The following PRDM16 variants were observed in gnomAD, a reference collection of about 807,000 sequenced individuals.
PRDM16 encodes the protein histone-lysine N-methyltransferase PRDM16.
In PRDM16, 23 loss-of-function variants were observed where a neutral mutation model predicts 110.6. The ratio of observed to expected loss-of-function variants is 0.21; its 90% CI spans 0.15 to 0.29. The LOEUF is 0.29. PRDM16 is among the 10% of genes least tolerant of loss of function. The probability of loss-of-function intolerance (pLI) is 1.00; values close to 1 mark genes in which losing one functional copy is unlikely to be tolerated. For synonymous variants in PRDM16, 799 were observed against 781.8 expected (o/e 1.02, Z -0.37); for missense variants, 1,615 against 1,794.3 (o/e 0.90, Z 1.81).
chr1:3,355,606 G>A (rs890707792), intron 3 of PRDM16, among the ~76,000 whole-genome samples: 1 of 152,150 alleles, frequency 6.6e-6, no homozygotes, highest in Admixed American at 6.5e-5. Context: ...GCATCCGCTC[G>A]ACGGTGGGTG....
intron 3 of PRDM16, among the ~76,000 whole-genome samples, chr1:3,310,585 A>G (rs1178397659): frequency 2.0e-5 from 3 of 152,064 alleles, no homozygotes; most frequent in Non-Finnish European, 4.4e-5. Flanking sequence ...TGTTTGACCG[A>G]GCCGGGTTAC....
At chr1:3,164,631 G>A (rs1643929936) in intron 1 of PRDM16, among the ~76,000 whole-genome samples, 2 of 152,230 alleles carry the variant, frequency 1.3e-5, no homozygotes, top group Admixed American at 6.5e-5. Flanking sequence ...TCGGAGGTGT[G>A]AGGGATTGCT....
chr1:3,221,401 T>G (rs1639147801), intron 2 of PRDM16, among the ~76,000 whole-genome samples: 1 of 152,236 alleles, frequency 6.6e-6, no homozygotes, highest in Admixed American at 6.5e-5. Context: ...TTCCAGAAGA[T>G]GCAAAAGCTG....
At chr1:3,409,752 TG>T (rs2100657295) in intron 8 of PRDM16, among the ~76,000 whole-genome samples, 1 of 135,432 alleles carries the variant, frequency 7.4e-6, no homozygotes, top group East Asian at 2.2e-4. Context: ...GTGTGTGGTG[TG>T]GGTGTGAGTG....
intron 3 of PRDM16, among the ~76,000 whole-genome samples, chr1:3,261,728 G>A (rs1186681580): frequency 6.6e-6 from 1 of 152,120 alleles, no homozygotes; most frequent in Non-Finnish European, 1.5e-5. Context: ...CTCCTCCTGT[G>A]TCAGGGCAGC....
At chr1:3,230,679 G>A (rs954034913) in intron 2 of PRDM16, among the ~76,000 whole-genome samples, 7 of 152,228 alleles carry the variant, frequency 4.6e-5, no homozygotes, top group Non-Finnish European at 7.3e-5. Context: ...ACGCGGCCCC[G>A]GTTGGGGTGA....
At chr1:3,264,601 G>A (rs1375207830) in intron 3 of PRDM16, among the ~76,000 whole-genome samples, 1 of 147,802 alleles carries the variant, frequency 6.8e-6, no homozygotes, top group Non-Finnish European at 1.5e-5. Flanking sequence ...AGCGGAAAGG[G>A]GAGGGGTGTA....
At chr1:3,283,427 C>A (rs1338755922) in intron 3 of PRDM16, among the ~76,000 whole-genome samples, 2 of 152,140 alleles carry the variant, frequency 1.3e-5, no homozygotes, top group Admixed American at 1.3e-4. Context: ...GAGGTGGGCT[C>A]CATGGCATAG....
chr1:3,106,161 A>C (rs1363964097), intron 1 of PRDM16, among the ~76,000 whole-genome samples: 1 of 142,968 alleles, frequency 7.0e-6, no homozygotes. Context: ...TGGGCGGGGT[A>C]TGGGGGGAAG....
intron 3 of PRDM16, among the ~76,000 whole-genome samples, chr1:3,366,900 C>T (rs1291711411): frequency 6.6e-6 from 1 of 152,124 alleles, no homozygotes; most frequent in East Asian, 1.9e-4. Context: ...TGTAGCATCC[C>T]GGGGAGTGAG....
chr1:3,288,394 G>C (rs1028842294), intron 3 of PRDM16, among the ~76,000 whole-genome samples: 11 of 152,152 alleles, frequency 7.2e-5, no homozygotes, highest in Non-Finnish European at 1.5e-4. Context: ...CCAGACAAAG[G>C]CCTTCTCTGG....
chr1:3,357,136 C>A (rs1430644741), intron 3 of PRDM16, among the ~76,000 whole-genome samples: 2 of 152,082 alleles, frequency 1.3e-5, no homozygotes, highest in Non-Finnish European at 2.9e-5. Flanking sequence ...CATGCCGGCC[C>A]TGTCTCTGCT....
At position 3,205,329 on chromosome 1, in the gene PRDM16, G is replaced by A. The variant is rs145440912; in HGVS notation, c.387+18855G>A. On this transcript the variant is annotated intron_variant, in intron 2 of 16. Transcript: ENST00000270722. ...CACCCCGCCGGGGAGACCGCCCCTC[G>A]TCAGCCATCCGGTCACTCCACTTAC... Among the ~76,000 whole-genome samples the A allele has an allele frequency of 3.1e-3, 479 of 152,196 alleles. 1 individual carries two copies. Among genetic ancestry groups the A allele is most frequent in the African/African-American group, 0.011 (449 of 41,502 alleles).
chr1:3,352,793 C>T (rs1167104535), intron 3 of PRDM16, among the ~76,000 whole-genome samples: 1 of 152,190 alleles, frequency 6.6e-6, no homozygotes, highest in Non-Finnish European at 1.5e-5. Flanking sequence ...CAGCCCCCGC[C>T]CCCAACTCAT....
intron 8 of PRDM16, 26 bp downstream of exon 8, chr1:3,405,674 C>T: frequency 6.5e-7 from 1 of 1,547,162 alleles, no homozygotes. Context: ...GCCTGGCCGC[C>T]TGCCCTCCGG....
At chr1:3,162,422 C>T (rs1643906769) in intron 1 of PRDM16, among the ~76,000 whole-genome samples, 1 of 152,226 alleles carries the variant, frequency 6.6e-6, no homozygotes, top group Non-Finnish European at 1.5e-5. Context: ...GATGGAAAAG[C>T]TCATCCCAGG....
At chr1:3,108,141 C>T (rs2993500) in intron 1 of PRDM16, among the ~76,000 whole-genome samples, 55,506 of 152,144 alleles carry the variant, frequency 0.36, 10,427 homozygotes, top group South Asian at 0.53. Context: ...ATCTTACATT[C>T]GTAGGACTGG....
chr1:3,414,444 A>G lies in PRDM16; in HGVS notation c.2604-116A>G, dbSNP rs528291639. ...GGGCAGCCACGGCGAGGTCCACACC[A>G]TGGCCTTGTGACTGGCCAGGTATAT... is the stretch of plus-strand genomic sequence containing the variant. On this transcript the variant is annotated intron_variant, in intron 9 of 16. Coordinates refer to ENST00000270722, the MANE Select transcript of PRDM16 (RefSeq NM_022114.4). 8.1e-6 allele frequency: 6 copies of G among 737,278 alleles called. No individual in the cohort carries two copies. The African/African-American group carries it at 8.7e-5, about 11-fold the overall frequency. The allele number at this position is 737,278 out of a possible 1,614,324, so 45.7% of individuals were successfully genotyped here.
intron 1 of PRDM16, among the ~76,000 whole-genome samples, chr1:3,106,697 T>G (rs1048441542): frequency 2.0e-5 from 3 of 151,948 alleles, no homozygotes; most frequent in African/African-American, 7.3e-5. Context: ...CCTGGGCCAG[T>G]GGAGGCATTT....
Sources: gnomAD v4.1 joint callset for allele counts (sites outside exome capture counted in the v4.1 genomes callset) on GRCh38, gnomAD v4.1.1 for gene constraint, MANE v1.5 for transcripts, NCBI Gene and HGNC (gene_info 2026-07-23, HGNC 2026-07-21) for gene names.